Variants in ULK4 observed in about 807,000 individuals in gnomAD.
ULK4 encodes the protein unc-51 like kinase 4.
Under a neutral mutation model 160.6 loss-of-function variants are expected in ULK4, and 133 were observed. That is an observed-to-expected ratio of 0.83 (90% confidence interval 0.72 to 0.96). The LOEUF is 0.96. ULK4 is among the 40% of genes least tolerant of loss of function. ULK4 has a pLI of 0.00. For synonymous variants in ULK4, 534 were observed against 539.8 expected (o/e 0.99, Z 0.15); for missense variants, 1,580 against 1,499.5 (o/e 1.05, Z -0.89).
intron 35 of ULK4, among the ~76,000 whole-genome samples, chr3:41,379,862 G>A (rs766815079): frequency 5.9e-5 from 9 of 152,178 alleles, no homozygotes. Context: ...TATGCTAAAT[G>A]GGTAGTGAGA....
At chr3:41,603,747 T>C (rs1575474432) in intron 31 of ULK4, among the ~76,000 whole-genome samples, 1 of 152,114 alleles carries the variant, frequency 6.6e-6, no homozygotes, top group African/African-American at 2.4e-5. Flanking sequence ...ACAGGGGACT[T>C]CTCTGTCCTA....
intron 8 of ULK4, among the ~76,000 whole-genome samples, chr3:41,915,186 C>G (rs1240467846): frequency 1.3e-5 from 2 of 152,070 alleles, no homozygotes; most frequent in African/African-American, 4.8e-5. Flanking sequence ...AAATTATCCA[C>G]CAAAATAACA....
chr3:41,736,187 A>C (rs2038043010), intron 22 of ULK4, among the ~76,000 whole-genome samples: 1 of 151,788 alleles, frequency 6.6e-6, no homozygotes, highest in African/African-American at 2.4e-5. Flanking sequence ...CATGATTTAT[A>C]ATCCTTTGGG....
chr3:41,802,715 G>T (rs977213266), intron 19 of ULK4, among the ~76,000 whole-genome samples: 1 of 152,036 alleles, frequency 6.6e-6, no homozygotes, highest in African/African-American at 2.4e-5. Context: ...AGATTATTCT[G>T]GTGTAAGGTT....
chr3:41,562,875 T>C (rs1387144366), intron 32 of ULK4, among the ~76,000 whole-genome samples: 4 of 152,240 alleles, frequency 2.6e-5, no homozygotes, highest in African/African-American at 9.6e-5. Context: ...AGGTTAATAC[T>C]GTTATGTGTG....
At chr3:41,949,432 A>ATTTCT (rs1553691556) in intron 2 of ULK4, among the ~76,000 whole-genome samples, 53 of 141,594 alleles carry the variant, frequency 3.7e-4, no homozygotes, top group African/African-American at 1.3e-3. Flanking sequence ...GATTAGCGGA[A>ATTTCT]TTTTTTTTTT....
intron 17 of ULK4, among the ~76,000 whole-genome samples, chr3:41,847,795 G>C (rs948082949): frequency 7.2e-5 from 11 of 152,102 alleles, no homozygotes; most frequent in African/African-American, 2.7e-4. Context: ...CTGTGTATTT[G>C]ATTAAGCCTT....
At chr3:41,352,590 C>CA (rs1280251593) in intron 35 of ULK4, among the ~76,000 whole-genome samples, 1 of 152,206 alleles carries the variant, frequency 6.6e-6, no homozygotes, top group African/African-American at 2.4e-5. Context: ...CTCATGCTCT[C>CA]AGTCCTGTCC....
chr3:41,294,397 C>T (rs1333284703), intron 35 of ULK4, among the ~76,000 whole-genome samples: 2 of 152,112 alleles, frequency 1.3e-5, no homozygotes, highest in Non-Finnish European at 2.9e-5. Context: ...ATTTCTTTTC[C>T]TTATAAATTA....
intron 18 of ULK4, among the ~76,000 whole-genome samples, chr3:41,833,487 G>A (rs1253481917): frequency 2.0e-5 from 3 of 151,988 alleles, no homozygotes; most frequent in Non-Finnish European, 2.9e-5. Flanking sequence ...TAGTAGAGAC[G>A]GGGTTTCACC....
At chr3:41,823,231 A>G (rs764299985) in intron 18 of ULK4, among the ~76,000 whole-genome samples, 19 of 152,284 alleles carry the variant, frequency 1.2e-4, no homozygotes, top group Non-Finnish European at 2.4e-4. Flanking sequence ...TAGAAGCAGG[A>G]GAAACAGCAA....
intron 34 of ULK4, among the ~76,000 whole-genome samples, chr3:41,416,149 G>A (rs752484577): frequency 6.6e-6 from 1 of 152,174 alleles, no homozygotes; most frequent in African/African-American, 2.4e-5. Flanking sequence ...AAGGATTTGG[G>A]TCTAGGACAA....
intron 17 of ULK4, among the ~76,000 whole-genome samples, chr3:41,871,363 T>C (rs1316042018): frequency 6.6e-6 from 1 of 152,158 alleles, no homozygotes; most frequent in Non-Finnish European, 1.5e-5. Flanking sequence ...AAAGTAAATA[T>C]GTAATATGTA....
intron 21 of ULK4, among the ~76,000 whole-genome samples, chr3:41,763,759 G>A (rs993570373): frequency 6.6e-6 from 1 of 152,148 alleles, no homozygotes; most frequent in Non-Finnish European, 1.5e-5. Context: ...CATCTACCTA[G>A]CTTTATTAGA....
At chr3:41,302,105 A>G (rs2079812966) in intron 35 of ULK4, among the ~76,000 whole-genome samples, 1 of 152,248 alleles carries the variant, frequency 6.6e-6, no homozygotes, top group South Asian at 2.1e-4. Context: ...TTGGCAAACA[A>G]AGAATTGAAC....
At chr3:41,289,828 T>C (rs1196510993) in intron 35 of ULK4, among the ~76,000 whole-genome samples, 1 of 151,038 alleles carries the variant, frequency 6.6e-6, no homozygotes, top group African/African-American at 2.5e-5. Context: ...TGTATGTATG[T>C]ATGTATGTAT....
chr3:41,568,893 G>C (rs976067535), intron 31 of ULK4, among the ~76,000 whole-genome samples: 1 of 152,168 alleles, frequency 6.6e-6, no homozygotes, highest in African/African-American at 2.4e-5. Flanking sequence ...CACAAGTCTG[G>C]ACCTCTGGAA....
intron 21 of ULK4, among the ~76,000 whole-genome samples, chr3:41,773,377 A>G (rs989788597): frequency 1.3e-5 from 2 of 152,242 alleles, no homozygotes; most frequent in Non-Finnish European, 2.9e-5. Context: ...GCAAAGTCTC[A>G]GGATACAAAA....
chr3:41,453,212 T>G (rs771564390), intron 34 of ULK4, among the ~76,000 whole-genome samples: 2 of 152,122 alleles, frequency 1.3e-5, no homozygotes, highest in Non-Finnish European at 2.9e-5. Flanking sequence ...CTTTCACTCT[T>G]TTGCCCAGGC....
Sources: allele counts gnomAD v4.1 joint callset (sites outside exome capture counted in the v4.1 genomes callset), GRCh38; gene constraint gnomAD v4.1.1; transcripts MANE v1.5; gene names NCBI Gene and HGNC (gene_info 2026-07-23, HGNC 2026-07-21).